Variants in FAT2 observed in about 807,000 individuals in gnomAD.
FAT2 encodes protocadherin Fat 2.
FAT2 carries 150 observed loss-of-function variants against 295.3 expected under a neutral mutation model. The observed-to-expected ratio is 0.51, with a 90% CI of 0.44 to 0.58. The LOEUF (loss-of-function observed/expected upper bound fraction) is 0.58, where lower values mean the gene tolerates loss of function less well. FAT2 is among the 20% of genes least tolerant of loss of function. The pLI, the probability that FAT2 is intolerant of heterozygous loss-of-function variation, is 0.00. For missense variants in FAT2, 4,868 were observed against 5,442.7 expected, an observed-to-expected ratio of 0.89 and a Z score of 3.32; for synonymous variants, 2,026 against 2,150.3, an observed-to-expected ratio of 0.94 and a Z score of 1.60.
chr5:151,541,733 T>C lies in FAT2; in HGVS notation c.8842+552A>G, dbSNP rs139977570. ...TAGGGTAGGGTTTTAATCCCAGCCCTGAAGCAAGCACAAGAGTGTGACCTT... is the reference window on the plus strand; with the variant it reads ...TAGGGTAGGGTTTTAATCCCAGCCCCGAAGCAAGCACAAGAGTGTGACCTT... On this transcript the variant is annotated intron_variant, in intron 10 of 23. Coordinates refer to ENST00000261800, the MANE Select transcript of FAT2 (RefSeq NM_001447.3). Among the ~76,000 whole-genome samples, 309 of 152,380 alleles carry C rather than the reference T, an allele frequency of 2.0e-3. 1 individual carries two copies. The highest frequency in any genetic ancestry group is 7.2e-3 in the African/African-American group (298 of 41,596).
At chr5:151,551,717 A>T in intron 6 of FAT2, 111 bp from the exon 7 acceptor site, 1 of 1,090,266 alleles carries the variant, frequency 9.2e-7, no homozygotes, top group Non-Finnish European at 1.3e-6. Context: ...ATTCCACAGT[A>T]CAAGATCTGA....
At chr5:151,592,238 T>C (rs1012114218), upstream of FAT2, among the ~76,000 whole-genome samples, 5 of 152,192 alleles carry the variant, frequency 3.3e-5, no homozygotes, top group Admixed American at 3.3e-4. Context: ...GGATTAGCAC[T>C]CCTCTCCCCT....
rs1195819092 is a variant in FAT2, at chr5:151,510,534, AG to A, written c.11906-361del. The A allele has an allele frequency of 7.0e-5, 13 of 184,830 alleles. No homozygotes were observed. The East Asian group carries it at 1.5e-3, about 22-fold the overall frequency. 11.4% of individuals were successfully genotyped at this position (184,830 alleles called of 1,614,324 possible). On this transcript the variant is annotated intron_variant, in intron 21 of 23. Transcript: ENST00000261800. ...GTTGGTGACTGTCATCATCCTCATC[AG>A]GGGACAGGTACAAAGGGATGGCAGA...
At position 151,521,456 on chromosome 5, in the gene FAT2, AAT is replaced by A; in HGVS notation, c.11135_11136del (p.His3712LeufsTer27). ...GCTGACCGCATCTGAACCCCCACTG[AAT>A]GCTCCATCTCCTTGGCTGAGTGAGT... ...IITHSAKEME[H>X]SVGVQMRSAM... On this transcript the variant is annotated frameshift_variant, in exon 19 of 24. Coordinates refer to ENST00000261800, the MANE Select transcript of FAT2 (RefSeq NM_001447.3). LOFTEE classifies it high-confidence loss of function. 1 of 1,614,178 alleles carries A rather than the reference AAT, an allele frequency of 6.2e-7. No homozygotes were observed. Among genetic ancestry groups the A allele is most frequent in the Non-Finnish European group, 8.5e-7 (1 of 1,180,030 alleles).
chr5:151,512,751 C>T lies in FAT2; in HGVS notation c.11464-145G>A, dbSNP rs1761419885. ...TGTTTTAGACATGGCATTTGCAGAGCATAAAAACCCTCAAAGTGCTTTTGT... is the reference window on the plus strand; with the variant it reads ...TGTTTTAGACATGGCATTTGCAGAGTATAAAAACCCTCAAAGTGCTTTTGT... On this transcript the variant is annotated intron_variant, in intron 20 of 23. Transcript: ENST00000261800. The surrounding 1 kb of genome is among the most constrained non-coding windows in gnomAD (Gnocchi z 4.1). 1.4e-6 allele frequency: 1 copy of T among 715,314 alleles called. No homozygotes were observed. The highest frequency in any genetic ancestry group is 2.7e-5 in the East Asian group (1 of 36,874). 44.3% of individuals were successfully genotyped at this position (715,314 alleles called of 1,614,324 possible). A position where few individuals can be genotyped will look rare whatever the true frequency, so the allele number is the denominator to read the frequency against.
chr5:151,534,970 A>AATAT (rs138459865), intron 12 of FAT2, among the ~76,000 whole-genome samples: 12,510 of 106,354 alleles, frequency 0.12, 1,402 homozygotes, highest in East Asian at 0.16. Flanking sequence ...CTTCTAGGAA[A>AATAT]ATATATATAT....
At chr5:151,569,710 G>A (rs1758448151) in intron 1 of FAT2, among the ~76,000 whole-genome samples, 1 of 152,206 alleles carries the variant, frequency 6.6e-6, no homozygotes, top group Admixed American at 6.5e-5. Flanking sequence ...CTTGGGCGAT[G>A]GTGAGATAGT....
chr5:151,537,529 G>A (rs1755568758), intron 12 of FAT2, among the ~76,000 whole-genome samples: 1 of 152,094 alleles, frequency 6.6e-6, no homozygotes, highest in Non-Finnish European at 1.5e-5. Context: ...AATCCCCTTA[G>A]CATTCTGCAC....
Position 151,545,200 on chromosome 5 carries a change from G to A in FAT2, c.5927C>T (p.Ala1976Val), listed in dbSNP as rs772555781. ...TCTGTCCTGCAAGTTCTCCTTCACA[G>A]CTGCCCAGTAGACATCCTGATCAAA... ...LQFDQDVYWA[A>V]VKENLQDRKA... Residue 1976 changes from alanine to valine, a missense_variant, in exon 10 of 24, where the codon GCT (alanine) becomes GTT (valine). Ala to Val is a moderately conservative substitution (Grantham distance 64, BLOSUM62 0). Coordinates refer to ENST00000261800, the MANE Select transcript of FAT2 (RefSeq NM_001447.3). The A allele has an allele frequency of 1.2e-6, 2 of 1,614,180 alleles. No individual in the cohort carries two copies. Among genetic ancestry groups the A allele is most frequent in the South Asian group, 2.2e-5 (2 of 91,084 alleles).
chr5:151,579,039 G>A lies in FAT2; in HGVS notation c.-20-10088C>T, dbSNP rs570651003. Reference sequence around the variant, plus strand: ...GAATATAAAATTTCCATTTGGAGTTGAAAAATTCTTAAGCCAGAGGGAACA... The same window carrying A: ...GAATATAAAATTTCCATTTGGAGTTAAAAAATTCTTAAGCCAGAGGGAACA... On this transcript the variant is annotated intron_variant, in intron 1 of 23. Coordinates refer to ENST00000261800, the MANE Select transcript of FAT2 (RefSeq NM_001447.3). 9.2e-5 allele frequency among the ~76,000 whole-genome samples: 14 copies of A among 152,274 alleles called. No individual in the cohort carries two copies. In the East Asian group the frequency reaches 2.7e-3, roughly 29 times the overall value.
chr5:151,592,154 C>T (rs1759437291), upstream of FAT2, among the ~76,000 whole-genome samples: 1 of 152,206 alleles, frequency 6.6e-6, no homozygotes, highest in South Asian at 2.1e-4. Flanking sequence ...TCTGTTCTGG[C>T]TCCCCATATA....
intron 16 of FAT2, 95 bp downstream of exon 16, chr5:151,527,901 G>A (rs2127587092): frequency 6.7e-7 from 1 of 1,492,306 alleles, no homozygotes; most frequent in Non-Finnish European, 9.1e-7. Context: ...GAAGTTTCAG[G>A]ATGGGGTCTT....
rs1189727431 is a variant in FAT2, at chr5:151,551,612, G to A, written c.4157-6C>T. ...GTCCATGTCCTTATCCCCACCTAGAGTGGGAGTGGGGAGAAAGCACACACA... is the reference window on the plus strand; with the variant it reads ...GTCCATGTCCTTATCCCCACCTAGAATGGGAGTGGGGAGAAAGCACACACA... On this transcript the variant is annotated splice_polypyrimidine_tract_variant and splice_region_variant and intron_variant, in intron 6 of 23. Transcript: ENST00000261800. 7.4e-6 allele frequency: 12 copies of A among 1,613,954 alleles called. No individual in the cohort carries two copies. Among genetic ancestry groups the A allele is most frequent in the Non-Finnish European group, 1.0e-5 (12 of 1,180,000 alleles).
upstream of FAT2, among the ~76,000 whole-genome samples, chr5:151,592,208 A>G (rs1023126000): frequency 2.0e-5 from 3 of 152,204 alleles, no homozygotes; most frequent in Admixed American, 6.5e-5. Flanking sequence ...TTTTAAGGGA[A>G]AGGGAGAAGA....
rs568383758 is a variant in FAT2, at chr5:151,504,945, A to G, written c.*620T>C. On this transcript the variant is annotated 3_prime_UTR_variant, in exon 24 of 24. Transcript: ENST00000261800. Reference sequence around the variant, plus strand: ...CTCCTCGGAGTCCTTGTTGCCCTCCATCACCATTTTCTCCCCGGTGCAAAG... The same window carrying G: ...CTCCTCGGAGTCCTTGTTGCCCTCCGTCACCATTTTCTCCCCGGTGCAAAG... 1 of 152,886 alleles carries G rather than the reference A, an allele frequency of 6.5e-6. No individual in the cohort carries two copies. Among genetic ancestry groups the G allele is most frequent in the East Asian group, 1.9e-4 (1 of 5,154 alleles). 9.5% of individuals were successfully genotyped at this position (152,886 alleles called of 1,614,324 possible). A position where few individuals can be genotyped will look rare whatever the true frequency, so the allele number is the denominator to read the frequency against.
In FAT2 at chr5:151,520,446, A is replaced by G. The variant is rs541654979; in HGVS notation, c.11317+830T>C. Among the ~76,000 whole-genome samples, 57 of 152,294 alleles carry G rather than the reference A, an allele frequency of 3.7e-4. 1 individual carries two copies. Among genetic ancestry groups the G allele is most frequent in the African/African-American group, 1.3e-3 (56 of 41,558 alleles). ...CTCAGTTCCAACTGCAGATGGGGCTAATGACCCTGCTTGGTAGGGCTGTGG... is the reference window on the plus strand; with the variant it reads ...CTCAGTTCCAACTGCAGATGGGGCTGATGACCCTGCTTGGTAGGGCTGTGG... On this transcript the variant is annotated intron_variant, in intron 19 of 23. Coordinates refer to ENST00000261800, the MANE Select transcript of FAT2 (RefSeq NM_001447.3).
chr5:151,547,862 T>C (rs567015858), intron 9 of FAT2, among the ~76,000 whole-genome samples: 1 of 152,166 alleles, frequency 6.6e-6, no homozygotes, highest in Non-Finnish European at 1.5e-5. Flanking sequence ...AATCATTCTT[T>C]TGGGGTGATG....
chr5:151,593,195 C>A (rs989925398), upstream of FAT2, among the ~76,000 whole-genome samples: 3 of 152,248 alleles, frequency 2.0e-5, no homozygotes, highest in East Asian at 5.8e-4. Context: ...CTGATTGCCA[C>A]TCAAGCCTCC....
At chr5:151,546,787 T>C (rs1337056579) in intron 9 of FAT2, among the ~76,000 whole-genome samples, 1 of 152,102 alleles carries the variant, frequency 6.6e-6, no homozygotes, top group Non-Finnish European at 1.5e-5. Context: ...GATGTGAGCA[T>C]GGCTCACTGC....
Sources: gnomAD v4.1 joint callset for allele counts (sites outside exome capture counted in the v4.1 genomes callset) on GRCh38, gnomAD v4.1.1 for gene constraint, Gnocchi (gnomAD v3.1) non-coding constraint, MANE v1.5 for transcripts, NCBI Gene and HGNC (gene_info 2026-07-23, HGNC 2026-07-21) for gene names.